MTAP: variants seen among roughly 807,000 people sequenced by gnomAD.
MTAP encodes the protein S-methyl-5'-thioadenosine phosphorylase.
Under a neutral mutation model 33.6 loss-of-function variants are expected in MTAP, and 33 were observed. That is an observed-to-expected ratio of 0.98 (90% CI 0.74 to 1.31). The LOEUF (loss-of-function observed/expected upper bound fraction) is 1.31. Ranked by LOEUF, MTAP falls within the 40% of genes most tolerant of loss-of-function variation. MTAP has a pLI of 0.00. For synonymous variants in MTAP, 148 were observed against 125.7 expected (o/e 1.18, Z -1.19); for missense variants, 367 against 360.0 (o/e 1.02, Z -0.16).
At chr9:21,937,530 T>C (rs1297317784) in exon 8 of MTAP, 2 of 152,198 alleles carry the variant, frequency 1.3e-5, no homozygotes, top group Non-Finnish European at 2.9e-5. Flanking sequence ...AAATAATTCT[T>C]TGTGCTTCGT....
intron 4 of MTAP, among the ~76,000 whole-genome samples, chr9:21,818,919 C>T (rs750721177): frequency 3.9e-5 from 6 of 152,142 alleles, no homozygotes; most frequent in Non-Finnish European, 7.3e-5. Flanking sequence ...CAACGTCTCC[C>T]CAAACCCCAG....
chr9:21,805,734 C>G (rs1405979798), intron 1 of MTAP, among the ~76,000 whole-genome samples: 1 of 152,194 alleles, frequency 6.6e-6, no homozygotes, highest in Non-Finnish European at 1.5e-5. Flanking sequence ...TGAGCCAAAA[C>G]GTGGGCCTTC....
intron 3 of MTAP, 25 bp downstream of exon 3, chr9:21,816,797 T>C: frequency 6.3e-7 from 1 of 1,577,966 alleles, no homozygotes; most frequent in Non-Finnish European, 8.7e-7. Flanking sequence ...GCTTTTTGGA[T>C]GTTACTACTA....
chr9:21,888,070 A>T (rs1818143000), intron 1 of MTAP, among the ~76,000 whole-genome samples: 2 of 152,186 alleles, frequency 1.3e-5, no homozygotes, highest in African/African-American at 4.8e-5. Flanking sequence ...TCATATCATC[A>T]GTGAAAAGCA....
At chr9:21,850,585 C>G (rs1327424846) in intron 5 of MTAP, among the ~76,000 whole-genome samples, 1 of 152,158 alleles carries the variant, frequency 6.6e-6, no homozygotes, top group Non-Finnish European at 1.5e-5. Flanking sequence ...TTGGCAGGCC[C>G]CCATAGGTGA....
rs112230639 is a variant in MTAP at position 21,917,637 on chromosome 9, C to A, written c.148-13371C>A. On this transcript the variant is annotated intron_variant, in intron 1 of 1. Coordinates refer to the MTAP transcript ENST00000577563. ...GTGCAAAGGGAACATCTTTACATTGCTAGTGGGAATGTAAATTAGTACCAC... is the reference window on the plus strand; with the variant it reads ...GTGCAAAGGGAACATCTTTACATTGATAGTGGGAATGTAAATTAGTACCAC... Among the ~76,000 whole-genome samples, 12 of 152,264 alleles carry A rather than the reference C, an allele frequency of 7.9e-5. 3 individuals are homozygous for A. The highest frequency in any genetic ancestry group is 2.4e-4 in the African/African-American group (10 of 41,568).
chr9:21,901,631 T>G (rs893902480), intron 1 of MTAP, among the ~76,000 whole-genome samples: 1 of 152,142 alleles, frequency 6.6e-6, no homozygotes, highest in Non-Finnish European at 1.5e-5. Context: ...TCAACCTCCT[T>G]TGCCAGGTGT....
At chr9:21,830,601 A>T (rs556734212) in intron 4 of MTAP, among the ~76,000 whole-genome samples, 2 of 152,332 alleles carry the variant, frequency 1.3e-5, no homozygotes, top group South Asian at 4.1e-4. Flanking sequence ...CAGGCTGTTT[A>T]TACATTAAAA....
At chr9:21,896,259 G>A (rs535936674) in intron 1 of MTAP, among the ~76,000 whole-genome samples, 2 of 152,220 alleles carry the variant, frequency 1.3e-5, no homozygotes, top group African/African-American at 4.8e-5. Flanking sequence ...CACATTTAAA[G>A]CAATAAATGC....
At position 21,806,151 on chromosome 9, in the gene MTAP, A is replaced by G. The variant is rs1396204732; in HGVS notation, c.33+3370A>G. ...AAAATGATTACTCTGGCTGTTGTAT[A>G]CAGAATAGCCTGTGGGCAGGGGAAG... On this transcript the variant is annotated intron_variant, in intron 1 of 7. Coordinates refer to ENST00000644715, the MANE Select transcript of MTAP (RefSeq NM_002451.4). Among the ~76,000 whole-genome samples the G allele has an allele frequency of 2.0e-5, 3 of 152,128 alleles. No homozygotes were observed. The East Asian group carries it at 5.8e-4, about 29-fold the overall frequency.
At position 21,884,412 on chromosome 9, in the gene MTAP, T is replaced by C. The variant is rs558940519; in HGVS notation, c.147+29542T>C. On this transcript the variant is annotated intron_variant, in intron 1 of 1. Coordinates refer to the MTAP transcript ENST00000577563. ...AGTAGAGCTTGTGCAACAATATGGC[T>C]GAACCTTTCAAACATAATGTTAAGT... Among the ~76,000 whole-genome samples, 195 of 152,326 alleles carry C rather than the reference T, an allele frequency of 1.3e-3. 2 individuals carry two copies. Among genetic ancestry groups the C allele is most frequent in the South Asian group, 5.4e-3 (26 of 4,820 alleles).
At chr9:21,912,611 T>G (rs1227670686) in intron 1 of MTAP, among the ~76,000 whole-genome samples, 1 of 152,176 alleles carries the variant, frequency 6.6e-6, no homozygotes. Context: ...CTCCATAAGC[T>G]AGGTATTGTT....
At chr9:21,921,083 G>T (rs902607682) in intron 1 of MTAP, among the ~76,000 whole-genome samples, 2 of 152,062 alleles carry the variant, frequency 1.3e-5, no homozygotes, top group Admixed American at 6.5e-5. Flanking sequence ...CTCATTACTT[G>T]TTTGTTCAAG....
At chr9:21,805,535 G>A (rs1050840422) in intron 1 of MTAP, among the ~76,000 whole-genome samples, 1 of 152,216 alleles carries the variant, frequency 6.6e-6, no homozygotes, top group African/African-American at 2.4e-5. Context: ...ATTTTAAGCT[G>A]TGCAGTAGTC....
intron 1 of MTAP, among the ~76,000 whole-genome samples, chr9:21,886,500 G>A (rs1467114637): frequency 6.6e-6 from 1 of 151,974 alleles, no homozygotes; most frequent in African/African-American, 2.4e-5. Context: ...ATTTGCTTTT[G>A]GGTTCTTCGT....
At chr9:21,938,140 G>A (rs546524245), downstream of MTAP, among the ~76,000 whole-genome samples, 37 of 152,232 alleles carry the variant, frequency 2.4e-4, no homozygotes, top group Non-Finnish European at 4.9e-4. Flanking sequence ...TGGGCATGGC[G>A]GCGTGTGCCT....
At chr9:21,879,929 T>C (rs1817979111) in intron 1 of MTAP, among the ~76,000 whole-genome samples, 1 of 152,152 alleles carries the variant, frequency 6.6e-6, no homozygotes, top group Non-Finnish European at 1.5e-5. Context: ...GCTCCTTTTG[T>C]AGGCGGCCTG....
At chr9:21,834,831 A>C (rs532830501) in intron 4 of MTAP, among the ~76,000 whole-genome samples, 12 of 152,360 alleles carry the variant, frequency 7.9e-5, no homozygotes, top group African/African-American at 2.6e-4. Flanking sequence ...GCATGTGGAC[A>C]TCTTCGGAGG....
chr9:21,905,839 A>T (rs564413848), intron 1 of MTAP, among the ~76,000 whole-genome samples: 1 of 152,354 alleles, frequency 6.6e-6, no homozygotes, highest in East Asian at 1.9e-4. Flanking sequence ...CTATACAATG[A>T]TGGCAAGGAG....
Sources: allele counts gnomAD v4.1 joint callset (sites outside exome capture counted in the v4.1 genomes callset), GRCh38; gene constraint gnomAD v4.1.1; transcripts MANE v1.5; gene names NCBI Gene and HGNC (gene_info 2026-07-23, HGNC 2026-07-21).